RPGRIP1: variants seen among roughly 807,000 people sequenced by gnomAD.
The protein encoded by RPGRIP1 is X-linked retinitis pigmentosa GTPase regulator-interacting protein 1.
In RPGRIP1, 128 loss-of-function variants were observed where a neutral mutation model predicts 157.9. The ratio of observed to expected loss-of-function variants is 0.81; its 90% confidence interval spans 0.70 to 0.94. The LOEUF (loss-of-function observed/expected upper bound fraction) is 0.94, where lower values mean the gene tolerates loss of function less well. RPGRIP1 is among the 40% of genes least tolerant of loss of function. The pLI, the probability that RPGRIP1 is intolerant of heterozygous loss-of-function variation, is 0.00. For synonymous variants in RPGRIP1, 554 were observed against 571.6 expected, an observed-to-expected ratio of 0.97 and a Z score of 0.44; for missense variants, 1,486 against 1,545.8, an observed-to-expected ratio of 0.96 and a Z score of 0.65.
At chr14:21,297,608 G>A (rs2139150384) in intron 3 of RPGRIP1, among the ~76,000 whole-genome samples, 1 of 152,212 alleles carries the variant, frequency 6.6e-6, no homozygotes, top group East Asian at 1.9e-4. Flanking sequence ...GGACCACCAG[G>A]AACATACCAA....
At chr14:21,322,416 C>G (rs1882601220) in intron 14 of RPGRIP1, among the ~76,000 whole-genome samples, 1 of 152,172 alleles carries the variant, frequency 6.6e-6, no homozygotes. Context: ...GCCTCAGCCT[C>G]CCAAAGTGAT....
At chr14:21,282,328 C>A (rs1231651027) in intron 1 of RPGRIP1, among the ~76,000 whole-genome samples, 5 of 151,960 alleles carry the variant, frequency 3.3e-5, no homozygotes, top group African/African-American at 1.2e-4. Context: ...TCTCTGCCTC[C>A]CAGGTTCAAG....
At chr14:21,291,430 A>G (rs1880523851) in intron 2 of RPGRIP1, among the ~76,000 whole-genome samples, 1 of 152,126 alleles carries the variant, frequency 6.6e-6, no homozygotes, top group African/African-American at 2.4e-5. Context: ...AGAATTCAAT[A>G]TTTTTCTTCA....
At position 21,328,493 on chromosome 14, in the gene RPGRIP1, G is replaced by A. The variant is rs774678526; in HGVS notation, c.2965G>A (p.Gly989Arg). Reference protein sequence around the residue: ...QYRSKRKPPHGGERKEKEHQV... With the variant: ...QYRSKRKPPHRGERKEKEHQV... ...TCGATCTAAGAGAAAACCTCCTCAT[G>A]GGGGAGAAAGAAAGGAGAAGGAGCA... The change falls in exon 19 of 25, where the codon GGG (glycine) becomes AGG (arginine). Residue 989 changes from glycine (G) to arginine (R), a missense_variant. Physicochemically the swap from Gly to Arg is moderately radical, Grantham distance 125. Transcript: ENST00000400017. 8.7e-6 allele frequency: 14 copies of A among 1,613,722 alleles called. No homozygotes were observed. The East Asian group carries it at 3.1e-4, about 36-fold the overall frequency.
rs1555365574 is a variant in RPGRIP1 at position 21,304,420 on chromosome 14, A to AAAGAAAGAAAGAAAGAAAGAAAGAAAGG, written c.800+903_800+904insGGAAGAAAGAAAGAAAGAAAGAAAGAAA. ...GAAAGAAAGAAAGAAAGAAAGAAAGAAAGAAAGAAAGAAAGAAAGAAAGAA... is the reference window on the plus strand; with the variant it reads ...GAAAGAAAGAAAGAAAGAAAGAAAGAAAGAAAGAAAGAAAGAAAGAAAGAAAGGAAGAAAGAAAGAAAGAAAGAAAGAA... On this transcript the variant is annotated intron_variant, in intron 6 of 24. Coordinates refer to ENST00000400017, the MANE Select transcript of RPGRIP1 (RefSeq NM_020366.4). Among the ~76,000 whole-genome samples the AAAGAAAGAAAGAAAGAAAGAAAGAAAGG allele has an allele frequency of 1.0e-3, 155 of 150,922 alleles. 1 individual carries two copies. The highest frequency in any genetic ancestry group is 6.6e-3 in the East Asian group (33 of 4,990).
intron 2 of RPGRIP1, among the ~76,000 whole-genome samples, chr14:21,290,529 A>G (rs1250383643): frequency 2.0e-5 from 3 of 152,000 alleles, no homozygotes; most frequent in Admixed American, 2.0e-4. Flanking sequence ...GAAAAAGTTA[A>G]GGCCGGGCAC....
At position 21,343,722 on chromosome 14, in the gene RPGRIP1, C is replaced by T. The variant is rs1885255610; in HGVS notation, c.3532+494C>T. The stretch of plus-strand genomic sequence containing the variant: ...GGCCAGGCTGGTCTCAAACTCCTGA[C>T]CTCAAGTGATCTGCCTGCCTTGGCC... On this transcript the variant is annotated intron_variant, in intron 22 of 24. Coordinates refer to ENST00000400017, the MANE Select transcript of RPGRIP1 (RefSeq NM_020366.4). 3.9e-5 allele frequency among the ~76,000 whole-genome samples: 6 copies of T among 152,094 alleles called. No homozygotes were observed. The South Asian group carries it at 1.2e-3, about 32-fold the overall frequency.
intron 4 of RPGRIP1, among the ~76,000 whole-genome samples, chr14:21,301,698 TAATAATAATAATAATAATAATAATAAA>T (rs1888390575): frequency 9.1e-6 from 1 of 109,480 alleles, no homozygotes; most frequent in South Asian, 3.0e-4. Context: ...ATAATAATAA[TAATAATAATAATAATAATAATAATAAA>T]AAATTAGCCA....
intron 21 of RPGRIP1, among the ~76,000 whole-genome samples, chr14:21,341,981 A>C (rs111254182): frequency 6.6e-6 from 1 of 151,580 alleles, no homozygotes; most frequent in East Asian, 1.9e-4. Context: ...ACCCGGGAAG[A>C]AGAGCTTGCT....
chr14:21,299,108 C>A (rs1017788237), intron 3 of RPGRIP1, among the ~76,000 whole-genome samples: 3 of 151,602 alleles, frequency 2.0e-5, no homozygotes, highest in Non-Finnish European at 2.9e-5. Context: ...CTCCGCCTCT[C>A]AGATTCAAGC....
chr14:21,319,756 T>C (rs1474083291), intron 11 of RPGRIP1, among the ~76,000 whole-genome samples: 1 of 152,204 alleles, frequency 6.6e-6, no homozygotes, highest in Admixed American at 6.5e-5. Context: ...ATTCCCTTTC[T>C]GTTTTGTGTT....
Position 21,348,439 on chromosome 14 carries a change from G to A in RPGRIP1, c.3748+137G>A. The A allele has an allele frequency of 4.5e-6, 3 of 671,146 alleles. No homozygotes were observed. The South Asian group carries it at 7.3e-5, about 16-fold the overall frequency. 41.6% of individuals were successfully genotyped at this position (671,146 alleles called of 1,614,324 possible). On this transcript the variant is annotated intron_variant, in intron 24 of 24. Transcript: ENST00000400017. The stretch of plus-strand genomic sequence containing the variant: ...GGATTGAAATCTTATCCCTACAACT[G>A]TATTTATTTCTGGATCCAACATTAA...
intron 21 of RPGRIP1, among the ~76,000 whole-genome samples, chr14:21,335,471 A>G (rs892236938): frequency 1.1e-4 from 17 of 152,116 alleles, no homozygotes; most frequent in African/African-American, 3.6e-4. Context: ...GTAATTATCT[A>G]TTAAACAGTT....
At chr14:21,332,338 G>T (rs547373410) in intron 20 of RPGRIP1, among the ~76,000 whole-genome samples, 6 of 152,210 alleles carry the variant, frequency 3.9e-5, no homozygotes, top group African/African-American at 1.4e-4. Flanking sequence ...TTTTTCTATT[G>T]ATTATGTAAT....
At chr14:21,289,512 C>A (rs1315608175) in intron 2 of RPGRIP1, among the ~76,000 whole-genome samples, 3 of 152,130 alleles carry the variant, frequency 2.0e-5, no homozygotes, top group African/African-American at 7.2e-5. Context: ...TAATTTTGCT[C>A]CACTTTCCCA....
chr14:21,315,337 C>G (rs1452273144), intron 10 of RPGRIP1, among the ~76,000 whole-genome samples: 1 of 151,626 alleles, frequency 6.6e-6, no homozygotes, highest in Non-Finnish European at 1.5e-5. Context: ...GAAACCCCGT[C>G]TCTACTAAAA....
chr14:21,298,663 C>G (rs912599513), intron 3 of RPGRIP1, among the ~76,000 whole-genome samples: 7 of 151,276 alleles, frequency 4.6e-5, no homozygotes, highest in Non-Finnish European at 7.4e-5. Flanking sequence ...CAGGATTGGC[C>G]GGGCGTGGTG....
chr14:21,295,270 G>T (rs778522090), intron 3 of RPGRIP1, among the ~76,000 whole-genome samples: 2 of 152,030 alleles, frequency 1.3e-5, no homozygotes, highest in Non-Finnish European at 2.9e-5. Flanking sequence ...CACAGAATAA[G>T]AGACTGGACA....
intron 18 of RPGRIP1, among the ~76,000 whole-genome samples, 176 bp downstream of exon 18, chr14:21,327,983 A>C (rs781781918): frequency 1.2e-4 from 18 of 152,204 alleles, no homozygotes; most frequent in Non-Finnish European, 2.6e-4. Flanking sequence ...AGCCTGACCA[A>C]CATGGGGAAA....
Sources: allele counts gnomAD v4.1 joint callset (sites outside exome capture counted in the v4.1 genomes callset), GRCh38; gene constraint gnomAD v4.1.1; transcripts MANE v1.5; gene names NCBI Gene and HGNC (gene_info 2026-07-23, HGNC 2026-07-21).